The following COL1A2 variants were observed in gnomAD, a reference collection of about 807,000 sequenced individuals.
The protein encoded by COL1A2 is collagen type I alpha 2 chain, also known as collagen alpha-2(I) chain.
In COL1A2, 49 loss-of-function variants were observed where a neutral mutation model predicts 174.3. That is an observed-to-expected ratio of 0.28 (90% CI 0.22 to 0.36). The LOEUF (loss-of-function observed/expected upper bound fraction) is 0.36. Among genes scored for constraint, COL1A2 ranks in the 10% least tolerant of loss-of-function variants. The probability of loss-of-function intolerance (pLI) is 1.00; values close to 1 mark genes in which losing one functional copy is unlikely to be tolerated. For missense variants in COL1A2, 1,438 were observed against 1,822.7 expected (o/e 0.79, Z 3.84); for synonymous variants, 655 against 606.6 (o/e 1.08, Z -1.17).
intron 39 of COL1A2, 133 bp from the exon 40 acceptor site, chr7:94,422,824 T>C (rs148437281): frequency 2.7e-6 from 3 of 1,110,852 alleles, no homozygotes; most frequent in African/African-American, 3.1e-5. Flanking sequence ...ACTATAAATA[T>C]TTCCCCCAAA....
At chr7:94,401,542 T>A (rs1223485714) in intron 5 of COL1A2, 25 bp from the exon 6 acceptor site, 4 of 1,160,644 alleles carry the variant, frequency 3.4e-6, no homozygotes, top group African/African-American at 3.7e-5. Context: ...TATATATATA[T>A]AATTTTTTTT....
At position 94,417,847 on chromosome 7, in the gene COL1A2, T is replaced by G. The variant is rs748770179; in HGVS notation, c.1971+16T>G. 2 of 1,563,540 alleles carry G rather than the reference T, an allele frequency of 1.3e-6. No homozygotes were observed. The highest frequency in any genetic ancestry group is 2.7e-5 in the African/African-American group (2 of 74,106). On this transcript the variant is annotated intron_variant, in intron 32 of 51. Transcript: ENST00000297268. ...GGGAGAAAAGGTACGTGTTGACCCC[T>G]ATTACATATTGTTGATGAACTCTAG...
At chr7:94,405,781 A>T (rs1359221307) in intron 11 of COL1A2, 55 bp downstream of exon 11, 18 of 1,381,050 alleles carry the variant, frequency 1.3e-5, no homozygotes, top group East Asian at 2.3e-5. Context: ...TTTGGAAAAA[A>T]CTCAAGTATG....
chr7:94,427,127 G>T (rs1376132327), intron 47 of COL1A2, 61 bp from the exon 48 acceptor site: 1 of 1,610,522 alleles, frequency 6.2e-7, no homozygotes. Flanking sequence ...GTGAGCCCCA[G>T]GCTGCTGCTC....
At position 94,395,086 on chromosome 7, in the gene COL1A2, C is replaced by T. The variant is rs971349366; in HGVS notation, c.55C>T (p.Leu19=). 6.2e-7 allele frequency: 1 copy of T among 1,613,962 alleles called. No homozygotes were observed. Among genetic ancestry groups the T allele is most frequent in the Non-Finnish European group, 8.5e-7 (1 of 1,179,948 alleles). The change falls in exon 1 of 52, where the codon CTA becomes TTA. Residue 19 remains leucine, a synonymous_variant. Transcript: ENST00000297268. The part of the protein sequence containing the change: ...TLLLLAVTLC[L]ATCQSLQEET... The stretch of plus-strand genomic sequence containing the variant: ...GTTGCTGCTTGCAGTAACCTTATGC[C>T]TAGCAACATGCCAATGTAAGTGCCT...
rs773839903 is a variant in COL1A2 at position 94,400,191 on chromosome 7, A to G, written c.133-5A>G. 1.8e-5 allele frequency: 29 copies of G among 1,613,494 alleles called. No individual in the cohort carries two copies. The highest frequency in any genetic ancestry group is 1.9e-5 in the Non-Finnish European group (23 of 1,179,898). ...ACCTGACCTTACTCACTTTTTACAT[A>G]ACAGGGTCCACCAGGCCCCCCAGGC... is the stretch of plus-strand genomic sequence containing the variant. On this transcript the variant is annotated splice_polypyrimidine_tract_variant and splice_region_variant and intron_variant, in intron 4 of 51. Transcript: ENST00000297268.
intron 12 of COL1A2, 43 bp downstream of exon 12, chr7:94,406,346 A>G: frequency 6.3e-7 from 1 of 1,585,514 alleles, no homozygotes; most frequent in South Asian, 1.1e-5. Flanking sequence ...CACTTGATTG[A>G]AATTCCCCAT....
At position 94,394,960 on chromosome 7, in the gene COL1A2, C is replaced by T. The variant is rs1791552111; in HGVS notation, c.-72C>T. On this transcript the variant is annotated 5_prime_UTR_variant, in exon 1 of 52. Transcript: ENST00000297268. Reference sequence around the variant, plus strand: ...CTGGCCACGACTGCATGCCCGCGCCCGCCAGGTGATACCTCCGCCGGTGAC... The same window carrying T: ...CTGGCCACGACTGCATGCCCGCGCCTGCCAGGTGATACCTCCGCCGGTGAC... 3 of 1,392,492 alleles carry T rather than the reference C, an allele frequency of 2.2e-6. No individual in the cohort carries two copies. Among genetic ancestry groups the T allele is most frequent in the Admixed American group, 3.4e-5 (2 of 59,686 alleles). The allele number at this position is 1,392,492 out of a possible 1,614,324, so 86.3% of individuals were successfully genotyped here.
At chr7:94,412,250 G>A in intron 24 of COL1A2, 129 bp downstream of exon 24, 1 of 838,920 alleles carries the variant, frequency 1.2e-6, no homozygotes, top group Non-Finnish European at 2.0e-6. Flanking sequence ...ATCTGGGAAT[G>A]CAGAGTAATA....
chr7:94,410,298 A>G lies in COL1A2; in HGVS notation c.1089+3A>G, dbSNP rs770688809. On this transcript the variant is annotated splice_donor_region_variant and intron_variant, in intron 20 of 51. Coordinates refer to ENST00000297268, the MANE Select transcript of COL1A2 (RefSeq NM_000089.4). ...AGAGCGGTAACAAGGGTGAGCCCGT[A>G]AGTAGCTCTATCATCACACTTTTAT... The G allele has an allele frequency of 6.2e-7, 1 of 1,613,970 alleles. No homozygotes were observed. The highest frequency in any genetic ancestry group is 2.2e-5 in the East Asian group (1 of 44,890).
chr7:94,409,928 T>C, intron 19 of COL1A2, 107 bp downstream of exon 19: 1 of 1,131,294 alleles, frequency 8.8e-7, no homozygotes, highest in Non-Finnish European at 1.3e-6. Flanking sequence ...TATTTTTCTC[T>C]TCCTTAGCAT....
Position 94,421,962 on chromosome 7 carries a change from T to C in COL1A2, c.2403+10T>C, listed in dbSNP as rs571060680. On this transcript the variant is annotated intron_variant, in intron 39 of 51. Transcript: ENST00000297268. ...TCCCCCAGGACCCTCTGTAAGTAAA[T>C]CACTGTAAACGTGTCTTCATTTACT... 3 of 1,613,796 alleles carry C rather than the reference T, an allele frequency of 1.9e-6. No individual in the cohort carries two copies. The highest frequency in any genetic ancestry group is 4.5e-5 in the East Asian group (2 of 44,876).
At chr7:94,422,208 C>A (rs200040201) in intron 39 of COL1A2, among the ~76,000 whole-genome samples, 3 of 142,730 alleles carry the variant, frequency 2.1e-5, no homozygotes, top group Admixed American at 7.0e-5. Flanking sequence ...AAAAAAAAAA[C>A]AAAAAAACGA....
At chr7:94,421,873 G>A (rs780462426) in intron 38 of COL1A2, 26 bp from the exon 39 acceptor site, 3 of 1,600,302 alleles carry the variant, frequency 1.9e-6, no homozygotes, top group Non-Finnish European at 2.6e-6. Context: ...TGTTGACTGT[G>A]GAATTCTAAT....
chr7:94,414,045 T>C (rs1271250374), intron 28 of COL1A2, 98 bp downstream of exon 28: 20 of 1,370,460 alleles, frequency 1.5e-5, no homozygotes, highest in Non-Finnish European at 2.1e-5. Flanking sequence ...ATAAACATGA[T>C]TTCAGGACTG....
chr7:94,404,026 T>C (rs1425364424), intron 6 of COL1A2, among the ~76,000 whole-genome samples: 1 of 152,190 alleles, frequency 6.6e-6, no homozygotes, highest in Non-Finnish European at 1.5e-5. Flanking sequence ...TGTTTGACAT[T>C]TTCATCAGTC....
At chr7:94,409,234 AGAC>A in intron 16 of COL1A2, 85 bp from the exon 17 acceptor site, 2 of 1,171,622 alleles carry the variant, frequency 1.7e-6, no homozygotes, top group Non-Finnish European at 1.3e-6. Context: ...AGTTTTATGA[AGAC>A]ATTTCATAAA....
rs2115957051 is a variant in COL1A2 at position 94,427,015 on chromosome 7, A to G, written c.3113A>G (p.His1038Arg). Residue 1038 changes from histidine to arginine, a missense_variant, in exon 47 of 52, where the codon CAT (histidine) becomes CGT (arginine). By Grantham distance (29) the His-to-Arg change is conservative. Transcript: ENST00000297268. ...LQGLPGIAGH[H>R]GDQGAPGSVG... ...CCTCTTCTGTCTTTAAAGGGTCACC[A>G]TGGTGATCAAGGTGCTCCTGGCTCC... 3.1e-6 allele frequency: 5 copies of G among 1,613,692 alleles called. No homozygotes were observed. In the South Asian group the frequency reaches 3.3e-5, roughly 11 times the overall value.
intron 25 of COL1A2, 111 bp from the exon 26 acceptor site, chr7:94,412,972 T>A: frequency 9.6e-7 from 1 of 1,045,920 alleles, no homozygotes; most frequent in South Asian, 1.3e-5. Flanking sequence ...AGACTAGGGA[T>A]CTCAAAAGAA....
Sources: gnomAD v4.1 joint callset for allele counts (sites outside exome capture counted in the v4.1 genomes callset) on GRCh38, gnomAD v4.1.1 for gene constraint, MANE v1.5 for transcripts, NCBI Gene and HGNC (gene_info 2026-07-23, HGNC 2026-07-21) for gene names.